The following IL1RAPL1 variants were observed in gnomAD, a reference collection of about 807,000 sequenced individuals.
IL1RAPL1 encodes interleukin-1 receptor accessory protein-like 1.
In IL1RAPL1, 3 loss-of-function variants were observed where a neutral mutation model predicts 48.4. The observed-to-expected ratio is 0.06, with a 90% CI of 0.03 to 0.16. The LOEUF (loss-of-function observed/expected upper bound fraction) is 0.16, where lower values mean the gene tolerates loss of function less well. Ranked by LOEUF, IL1RAPL1 falls within the 10% of genes least tolerant of loss-of-function variation. IL1RAPL1 has a pLI of 1.00. For synonymous variants in IL1RAPL1, 185 were observed against 187.7 expected, an observed-to-expected ratio of 0.99 and a Z score of 0.12; for missense variants, 349 against 530.6, an observed-to-expected ratio of 0.66 and a Z score of 3.36.
chrX:29,883,139 C>CTGGT (rs902806015), intron 6 of IL1RAPL1, among the ~76,000 whole-genome samples: 3 of 111,519 alleles, frequency 2.7e-5, no homozygotes, highest in Non-Finnish European at 3.8e-5. Context: ...ACATATACAA[C>CTGGT]TGGTAGAAGC....
chrX:29,483,200 A>G (rs967310839), intron 5 of IL1RAPL1, among the ~76,000 whole-genome samples: 4 of 112,154 alleles, frequency 3.6e-5, no homozygotes, highest in African/African-American at 1.3e-4. Flanking sequence ...CTCCACTGAC[A>G]TATTTTGGAA....
intron 2 of IL1RAPL1, among the ~76,000 whole-genome samples, chrX:29,057,460 G>A (rs974059604): frequency 2.8e-5 from 3 of 105,611 alleles, no homozygotes; most frequent in Non-Finnish European, 5.8e-5. Context: ...ACAGAGTTTC[G>A]CTCGTCACCC....
At chrX:28,879,496 T>A (rs1922454901) in intron 2 of IL1RAPL1, among the ~76,000 whole-genome samples, 1 of 111,486 alleles carries the variant, frequency 9.0e-6, no homozygotes, top group Non-Finnish European at 1.9e-5. Context: ...AAGATTAATT[T>A]ACATTTGGTC....
intron 5 of IL1RAPL1, among the ~76,000 whole-genome samples, chrX:29,634,840 A>C (rs1924914437): frequency 8.9e-6 from 1 of 112,147 alleles, no homozygotes; most frequent in Admixed American, 9.5e-5. Flanking sequence ...TTTTTTAAAA[A>C]TGAGTGTACA....
At chrX:29,504,909 C>CTT (rs78893189) in intron 5 of IL1RAPL1, among the ~76,000 whole-genome samples, 50,902 of 110,092 alleles carry the variant, frequency 0.46, 8,619 homozygotes, top group East Asian at 0.7. Flanking sequence ...GAACTCCTCT[C>CTT]TGTTCCTTTC....
chrX:29,031,640 G>A (rs1437463231), intron 2 of IL1RAPL1, among the ~76,000 whole-genome samples: 4 of 111,916 alleles, frequency 3.6e-5, no homozygotes, highest in Non-Finnish European at 5.6e-5. Context: ...TTGATACACA[G>A]CATTTCCTCA....
At chrX:29,685,409 A>G (rs1311204480) in intron 6 of IL1RAPL1, among the ~76,000 whole-genome samples, 1 of 110,699 alleles carries the variant, frequency 9.0e-6, no homozygotes, top group African/African-American at 3.3e-5. Flanking sequence ...AGGCTGAGAC[A>G]GGACAATCAC....
chrX:29,058,018 A>G (rs1289058790), intron 2 of IL1RAPL1, among the ~76,000 whole-genome samples: 1 of 111,712 alleles, frequency 9.0e-6, no homozygotes, highest in Non-Finnish European at 1.9e-5. Context: ...GTTTATTATT[A>G]CCTTCCTTTA....
intron 1 of IL1RAPL1, among the ~76,000 whole-genome samples, chrX:28,652,318 C>G (rs896900532): frequency 7.2e-5 from 8 of 111,026 alleles, no homozygotes; most frequent in African/African-American, 2.3e-4. Context: ...ATAGCACACA[C>G]AGAGTGTATT....
intron 1 of IL1RAPL1, among the ~76,000 whole-genome samples, chrX:28,637,373 T>A (rs931058088): frequency 9.0e-6 from 1 of 111,721 alleles, no homozygotes. Flanking sequence ...AAAATCCCAG[T>A]CACTTTCTGT....
intron 1 of IL1RAPL1, among the ~76,000 whole-genome samples, chrX:28,786,419 C>T (rs1348578330): frequency 9.0e-6 from 1 of 110,680 alleles, no homozygotes; most frequent in Non-Finnish European, 1.9e-5. Flanking sequence ...GAGCCGAGAT[C>T]GCGCCACTGC....
At chrX:28,928,420 C>T (rs1428652616) in intron 2 of IL1RAPL1, among the ~76,000 whole-genome samples, 1 of 111,487 alleles carries the variant, frequency 9.0e-6, no homozygotes, top group Non-Finnish European at 1.9e-5. Flanking sequence ...TAATTTTACT[C>T]CACTGACTTC....
intron 2 of IL1RAPL1, among the ~76,000 whole-genome samples, chrX:28,843,040 CTT>C (rs1371009309): frequency 9.1e-6 from 1 of 109,891 alleles, no homozygotes; most frequent in Non-Finnish European, 1.9e-5. Context: ...AATTTCGTGT[CTT>C]ATATTTATGG....
chrX:28,974,838 T>A (rs776983659), intron 2 of IL1RAPL1, among the ~76,000 whole-genome samples: 1 of 112,009 alleles, frequency 8.9e-6, no homozygotes, highest in African/African-American at 3.2e-5. Context: ...TCTTCTGGAA[T>A]CTTCTGTATG....
At chrX:28,819,967 G>GAT (rs764635166) in intron 2 of IL1RAPL1, among the ~76,000 whole-genome samples, 270 of 26,725 alleles carry the variant, frequency 0.01, 9 homozygotes, top group Non-Finnish European at 0.019. Flanking sequence ...TAAACATAGT[G>GAT]ATATATATAT....
intron 6 of IL1RAPL1, among the ~76,000 whole-genome samples, chrX:29,904,797 A>G (rs1256199838): frequency 9.0e-6 from 1 of 111,620 alleles, no homozygotes; most frequent in East Asian, 2.8e-4. Context: ...GTTGCTTCCA[A>G]GTCTTTGCTA....
intron 6 of IL1RAPL1, among the ~76,000 whole-genome samples, chrX:29,911,646 T>C (rs1932756835): frequency 8.9e-6 from 1 of 112,404 alleles, no homozygotes; most frequent in African/African-American, 3.2e-5. Flanking sequence ...AGAACTTTAC[T>C]CACTCATCAG....
chrX:29,516,951 AT>A (rs1268873162), intron 5 of IL1RAPL1, among the ~76,000 whole-genome samples: 2 of 111,720 alleles, frequency 1.8e-5, no homozygotes, highest in Admixed American at 1.9e-4. Flanking sequence ...GCTCACTTTT[AT>A]ATTATTGGTC....
chrX:28,777,015 A>G (rs1183459049), intron 1 of IL1RAPL1, among the ~76,000 whole-genome samples: 1 of 112,329 alleles, frequency 8.9e-6, no homozygotes, highest in African/African-American at 3.2e-5. Flanking sequence ...GTAACAAAGT[A>G]TCACAAACTT....
Sources: gnomAD v4.1 joint callset for allele counts (sites outside exome capture counted in the v4.1 genomes callset) on GRCh38, gnomAD v4.1.1 for gene constraint, MANE v1.5 for transcripts, NCBI Gene and HGNC (gene_info 2026-07-23, HGNC 2026-07-21) for gene names.